XPO6: variants seen among roughly 807,000 people sequenced by gnomAD.
XPO6 encodes exportin-6.
Under a neutral mutation model 130.0 loss-of-function variants are expected in XPO6, and 3 were observed. That is an observed-to-expected ratio of 0.02 (90% CI 0.01 to 0.06). XPO6 has a LOEUF of 0.06. XPO6 is among the 10% of genes least tolerant of loss of function. The pLI is 1.00. For missense variants in XPO6, 970 were observed against 1,393.0 expected (o/e 0.70, Z 4.83); for synonymous variants, 524 against 548.9 (o/e 0.95, Z 0.63).
intron 20 of XPO6, 136 bp from the exon 21 acceptor site, chr16:28,104,843 A>G (rs563504638): frequency 8.2e-6 from 8 of 979,168 alleles, no homozygotes; most frequent in African/African-American, 8.2e-5. Flanking sequence ...GCCTGTCACT[A>G]CCTGCGCAAA....
At chr16:28,206,047 A>AAC (rs1364128721) in intron 1 of XPO6, among the ~76,000 whole-genome samples, 19 of 151,208 alleles carry the variant, frequency 1.3e-4, no homozygotes, top group African/African-American at 4.6e-4. Flanking sequence ...AAAAAAAAAA[A>AAC]AAAAAAACTG....
At chr16:28,150,750 T>A (rs2043071316) in intron 8 of XPO6, among the ~76,000 whole-genome samples, 1 of 152,158 alleles carries the variant, frequency 6.6e-6, no homozygotes, top group Non-Finnish European at 1.5e-5. Context: ...AGCTCCCTCA[T>A]TTCTGTTACG....
chr16:28,141,280 A>G (rs2042886508), intron 9 of XPO6, among the ~76,000 whole-genome samples: 2 of 152,132 alleles, frequency 1.3e-5, no homozygotes, highest in Non-Finnish European at 2.9e-5. Context: ...ACATGACACA[A>G]TGACTTTAGG....
chr16:28,208,832 T>C (rs1212355933), intron 1 of XPO6, among the ~76,000 whole-genome samples: 1 of 152,236 alleles, frequency 6.6e-6, no homozygotes, highest in African/African-American at 2.4e-5. Context: ...GTACATGCCC[T>C]AGGCCCTGGT....
intron 1 of XPO6, among the ~76,000 whole-genome samples, chr16:28,198,043 T>A (rs1221488839): frequency 8.5e-6 from 1 of 116,966 alleles, no homozygotes; most frequent in Non-Finnish European, 1.6e-5. Context: ...TTTTCTAAAA[T>A]ACATACAAAG....
intron 1 of XPO6, among the ~76,000 whole-genome samples, chr16:28,182,258 C>T (rs1402319361): frequency 6.6e-6 from 1 of 152,158 alleles, no homozygotes; most frequent in Non-Finnish European, 1.5e-5. Context: ...AGTATACCAG[C>T]GGCCTCCGTC....
chr16:28,194,947 TCA>T (rs961993059), intron 1 of XPO6, among the ~76,000 whole-genome samples: 5 of 149,662 alleles, frequency 3.3e-5, no homozygotes, highest in Non-Finnish European at 5.9e-5. Flanking sequence ...TTCCATGTCT[TCA>T]CACACACCAT....
chr16:28,176,805 G>A lies in XPO6; in HGVS notation c.207+415C>T, dbSNP rs375184871. Among the ~76,000 whole-genome samples, 8 of 151,926 alleles carry A rather than the reference G, an allele frequency of 5.3e-5. No homozygotes were observed. The East Asian group carries it at 5.8e-4, about 11-fold the overall frequency. ...ATTACAGGCATGAGCCACTGCGCCCGGCCTACAGTTAGGCTTTTTAAAGGG... is the reference window on the plus strand; with the variant it reads ...ATTACAGGCATGAGCCACTGCGCCCAGCCTACAGTTAGGCTTTTTAAAGGG... On this transcript the variant is annotated intron_variant, in intron 3 of 23. Coordinates refer to ENST00000304658, the MANE Select transcript of XPO6 (RefSeq NM_015171.4).
At chr16:28,156,595 C>T in intron 6 of XPO6, 68 bp from the exon 7 acceptor site, 2 of 1,072,666 alleles carry the variant, frequency 1.9e-6, no homozygotes, top group South Asian at 3.9e-5. Context: ...AAGTAATTCT[C>T]CTTCAAAAAA....
chr16:28,155,440 G>A (rs564606400), intron 7 of XPO6, among the ~76,000 whole-genome samples: 230 of 151,360 alleles, frequency 1.5e-3, no homozygotes, highest in African/African-American at 4.9e-3. Flanking sequence ...TGATGGAGTC[G>A]TCTTTTAGAG....
chr16:28,192,289 T>TA (rs1453081858), intron 1 of XPO6, among the ~76,000 whole-genome samples: 1 of 145,986 alleles, frequency 6.8e-6, no homozygotes, highest in African/African-American at 2.5e-5. Flanking sequence ...AAAAAAGTTA[T>TA]AATATTATTT....
At chr16:28,111,550 T>C (rs1051551430) in intron 17 of XPO6, 2 of 374,820 alleles carry the variant, frequency 5.3e-6, no homozygotes, top group Non-Finnish European at 9.8e-6. Context: ...CACCAGTGTC[T>C]TCCATTTTTT....
intron 13 of XPO6, among the ~76,000 whole-genome samples, chr16:28,122,258 T>C (rs1419885397): frequency 1.3e-5 from 2 of 152,094 alleles, no homozygotes; most frequent in African/African-American, 4.8e-5. Context: ...TTTCCCTCTA[T>C]TTTTCTGCAT....
At chr16:28,099,631 G>A (rs2086613088) in intron 23 of XPO6, among the ~76,000 whole-genome samples, 1 of 152,224 alleles carries the variant, frequency 6.6e-6, no homozygotes, top group Non-Finnish European at 1.5e-5. Context: ...AAATGGGGGA[G>A]TAACAGGACC....
intron 5 of XPO6, 93 bp downstream of exon 5, chr16:28,169,657 G>A (rs527334648): frequency 2.5e-5 from 38 of 1,503,076 alleles, no homozygotes; most frequent in South Asian, 3.8e-5. Flanking sequence ...CAGAAACAGC[G>A]CAAACAACTG....
intron 1 of XPO6, among the ~76,000 whole-genome samples, chr16:28,190,484 A>G (rs548966345): frequency 3.9e-5 from 6 of 152,306 alleles, no homozygotes; most frequent in African/African-American, 1.2e-4. Flanking sequence ...TCGGCCTCCC[A>G]AAGTGCTGGG....
chr16:28,150,602 C>T (rs998741171), intron 8 of XPO6, among the ~76,000 whole-genome samples: 1 of 152,162 alleles, frequency 6.6e-6, no homozygotes, highest in African/African-American at 2.4e-5. Flanking sequence ...GACATGCCTA[C>T]TTTAAAAGAT....
At chr16:28,127,163 T>C (rs1048353680) in intron 12 of XPO6, among the ~76,000 whole-genome samples, 1 of 152,152 alleles carries the variant, frequency 6.6e-6, no homozygotes, top group Non-Finnish European at 1.5e-5. Flanking sequence ...CCTTCTACTA[T>C]GCCACTATGT....
intron 9 of XPO6, among the ~76,000 whole-genome samples, chr16:28,140,692 A>C (rs868514446): frequency 6.7e-6 from 1 of 149,256 alleles, no homozygotes; most frequent in Non-Finnish European, 1.5e-5. Context: ...AAAAAAAAAA[A>C]ATTTTTTTTG....
Sources: allele counts gnomAD v4.1 joint callset (sites outside exome capture counted in the v4.1 genomes callset), GRCh38; gene constraint gnomAD v4.1.1; transcripts MANE v1.5; gene names NCBI Gene and HGNC (gene_info 2026-07-23, HGNC 2026-07-21).